Variants in ITGA11 observed in about 807,000 individuals in gnomAD.
ITGA11 encodes the protein integrin alpha-11.
ITGA11 carries 97 observed loss-of-function variants against 141.9 expected under a neutral mutation model. That is an observed-to-expected ratio of 0.68 (90% confidence interval 0.58 to 0.81). The LOEUF (loss-of-function observed/expected upper bound fraction) is 0.81. ITGA11 is among the 30% of genes least tolerant of loss of function. The pLI is 0.00. For synonymous variants in ITGA11, 658 were observed against 624.6 expected (o/e 1.05, Z -0.80); for missense variants, 1,387 against 1,559.2 (o/e 0.89, Z 1.86).
intron 2 of ITGA11, among the ~76,000 whole-genome samples, chr15:68,389,620 C>T (rs192978464): frequency 1.2e-4 from 18 of 152,372 alleles, no homozygotes; most frequent in Admixed American, 5.9e-4. Context: ...CTACAAGTTG[C>T]TCCTGTCTGT....
intron 2 of ITGA11, among the ~76,000 whole-genome samples, chr15:68,391,870 C>T (rs567851918): frequency 6.6e-6 from 1 of 152,272 alleles, no homozygotes; most frequent in South Asian, 2.1e-4. Flanking sequence ...TAACAGATGC[C>T]TAATAAACAA....
intron 4 of ITGA11, among the ~76,000 whole-genome samples, chr15:68,362,405 CCTTT>C (rs1465893587): frequency 6.6e-6 from 1 of 152,156 alleles, no homozygotes; most frequent in Non-Finnish European, 1.5e-5. Flanking sequence ...ACTTCCGATC[CCTTT>C]CTTTAATTAC....
At chr15:68,332,528 A>C (rs1315746769) in intron 12 of ITGA11, 50 bp from the exon 13 acceptor site, 13 of 1,579,720 alleles carry the variant, frequency 8.2e-6, no homozygotes, top group Non-Finnish European at 1.1e-5. Context: ...CAGCTCGCAC[A>C]ACCCAGAGCC....
intron 2 of ITGA11, among the ~76,000 whole-genome samples, chr15:68,397,134 AAAT>A (rs375056370): frequency 0.17 from 1 of 6 alleles, no homozygotes; most frequent in African/African-American, 0.25. Flanking sequence ...ATTATATAAT[AAAT>A]TATTATATAT....
intron 4 of ITGA11, chr15:68,361,908 A>T (rs1481346051): frequency 2.0e-6 from 1 of 501,232 alleles, no homozygotes; most frequent in Non-Finnish European, 3.6e-6. Context: ...GGTCTAATGG[A>T]GAAAAACTGA....
chr15:68,367,898 T>C (rs1444847181), intron 3 of ITGA11, among the ~76,000 whole-genome samples: 2 of 152,226 alleles, frequency 1.3e-5, no homozygotes, highest in East Asian at 1.9e-4. Flanking sequence ...CAGAAGCCTG[T>C]GTTCTCAGGG....
At position 68,339,562 on chromosome 15, in the gene ITGA11, G is replaced by C. The variant is rs774381603; in HGVS notation, c.1214C>G (p.Pro405Arg). The C allele has an allele frequency of 6.2e-7, 1 of 1,613,976 alleles. No individual in the cohort carries two copies. The highest frequency in any genetic ancestry group is 1.7e-5 in the Admixed American group (1 of 60,020). ...CTCTTTCAGGTAGGACTCGCGGAGAGGAATGACCTTCCCGGCACTCGTCTC... is the reference window on the plus strand; with the variant it reads ...CTCTTTCAGGTAGGACTCGCGGAGACGAATGACCTTCCCGGCACTCGTCTC... ...LKETSAGKVI[P>R]LRESYLKEFP... The change falls in exon 11 of 30, where the codon CCT becomes CGT. Residue 405 changes from proline to arginine, a missense_variant. Coordinates refer to ENST00000315757, the MANE Select transcript of ITGA11 (RefSeq NM_001004439.2).
At chr15:68,418,981 A>G (rs1896954793) in intron 1 of ITGA11, among the ~76,000 whole-genome samples, 1 of 152,062 alleles carries the variant, frequency 6.6e-6, no homozygotes, top group South Asian at 2.1e-4. Flanking sequence ...GAGGACTCAG[A>G]GAACTACTGG....
At chr15:68,345,886 G>C (rs1438561388) in intron 10 of ITGA11, among the ~76,000 whole-genome samples, 1 of 152,252 alleles carries the variant, frequency 6.6e-6, no homozygotes, top group Non-Finnish European at 1.5e-5. Context: ...AAAGACGTCT[G>C]TGCTCTAAAA....
chr15:68,346,868 T>A (rs748892), intron 10 of ITGA11, among the ~76,000 whole-genome samples: 12 of 152,004 alleles, frequency 7.9e-5, no homozygotes, highest in African/African-American at 2.9e-4. Flanking sequence ...TGTCTCCCCC[T>A]ATCCCCTGCA....
rs1354874353 is a variant in ITGA11, at chr15:68,311,036, C to A, written c.3132G>T (p.Arg1044=). The A allele has an allele frequency of 1.9e-6, 3 of 1,607,264 alleles. No individual in the cohort carries two copies. The East Asian group carries it at 6.7e-5, about 36-fold the overall frequency. The stretch of plus-strand genomic sequence containing the variant: ...GCAAGTCTTCCTCCACTGGGGTGGG[C>A]CGGTACTCAGTGCTATTGCCCCAGA... ...CNIWGNSTEY[R]PTPVEEDLRR... The change falls in exon 26 of 30, where the codon CGG becomes CGT. Residue 1044 remains arginine, a synonymous_variant. Coordinates refer to ENST00000315757, the MANE Select transcript of ITGA11 (RefSeq NM_001004439.2).
At chr15:68,427,611 G>A (rs1897174949) in intron 1 of ITGA11, among the ~76,000 whole-genome samples, 1 of 152,142 alleles carries the variant, frequency 6.6e-6, no homozygotes. Context: ...TAAGTATATA[G>A]TATGAAAACT....
At chr15:68,330,906 G>A (rs1894133925) in intron 15 of ITGA11, 75 bp downstream of exon 15, 2 of 1,556,738 alleles carry the variant, frequency 1.3e-6, no homozygotes, top group African/African-American at 2.7e-5. Context: ...AGATCCTGAA[G>A]CCTATCTTTA....
At chr15:68,359,581 G>T (rs776487798) in intron 5 of ITGA11, among the ~76,000 whole-genome samples, 3 of 152,176 alleles carry the variant, frequency 2.0e-5, no homozygotes, top group Non-Finnish European at 4.4e-5. Flanking sequence ...AGGAGGCAGA[G>T]GTTGCAGTGA....
intron 21 of ITGA11, 121 bp downstream of exon 21, chr15:68,317,144 A>T (rs548851520): frequency 1.4e-6 from 1 of 728,364 alleles, no homozygotes; most frequent in East Asian, 2.5e-5. Flanking sequence ...AAGCCACCTC[A>T]GGCCTCCCAT....
chr15:68,393,693 A>G (rs182036841), intron 2 of ITGA11, among the ~76,000 whole-genome samples: 31 of 152,324 alleles, frequency 2.0e-4, no homozygotes, highest in Non-Finnish European at 4.0e-4. Context: ...AACTCTTGTT[A>G]GCAGACTTAT....
At chr15:68,342,218 A>G (rs914530690) in intron 10 of ITGA11, among the ~76,000 whole-genome samples, 1 of 152,228 alleles carries the variant, frequency 6.6e-6, no homozygotes, top group Non-Finnish European at 1.5e-5. Flanking sequence ...CCAGCTGGCA[A>G]ACAAACAGTG....
intron 1 of ITGA11, among the ~76,000 whole-genome samples, chr15:68,418,161 C>A (rs1287579548): frequency 6.6e-6 from 1 of 152,204 alleles, no homozygotes; most frequent in African/African-American, 2.4e-5. Context: ...TCTATCCCAT[C>A]CCAAGAGCCA....
intron 4 of ITGA11, among the ~76,000 whole-genome samples, chr15:68,362,369 C>T (rs1895270707): frequency 1.3e-5 from 2 of 152,138 alleles, no homozygotes; most frequent in African/African-American, 4.8e-5. Context: ...CTGTAATTTC[C>T]TTTGGTTTAG....
Sources: allele counts gnomAD v4.1 joint callset (sites outside exome capture counted in the v4.1 genomes callset), GRCh38; gene constraint gnomAD v4.1.1; transcripts MANE v1.5; gene names NCBI Gene and HGNC (gene_info 2026-07-23, HGNC 2026-07-21).